MYO1H: variants seen among roughly 807,000 people sequenced by gnomAD.
MYO1H encodes the protein unconventional myosin-Ih.
In MYO1H, 118 loss-of-function variants were observed where a neutral mutation model predicts 149.3. The ratio of observed to expected loss-of-function variants is 0.79; its 90% confidence interval spans 0.68 to 0.92. MYO1H has a LOEUF of 0.92. Among genes scored for constraint, MYO1H ranks in the 40% least tolerant of loss-of-function variants. The pLI is 0.00. For synonymous variants in MYO1H, 447 were observed against 465.2 expected, an observed-to-expected ratio of 0.96 and a Z score of 0.50; for missense variants, 1,212 against 1,280.7, an observed-to-expected ratio of 0.95 and a Z score of 0.82.
At chr12:109,341,873 G>T in the MYO1H span, among the ~76,000 whole-genome samples, 2 of 152,104 alleles carry the variant, frequency 1.3e-5, no homozygotes, top group African/African-American at 4.8e-5. Flanking sequence ...TGGCTTCCTG[G>T]ACTGGTTACT....
the MYO1H span, among the ~76,000 whole-genome samples, chr12:109,324,045 G>A: frequency 2.8e-3 from 431 of 151,720 alleles, 2 homozygotes; most frequent in African/African-American, 0.01. Context: ...AACAGAGCTG[G>A]CTTGTCTTTG....
chr12:109,311,158 C>T, the MYO1H span, among the ~76,000 whole-genome samples: 2 of 152,284 alleles, frequency 1.3e-5, 1 homozygote, highest in South Asian at 4.1e-4. Flanking sequence ...ATTGTCTCTT[C>T]TGAAAGCTGA....
exon 26 of MYO1H, chr12:109,441,623 A>G: frequency 6.2e-7 from 1 of 1,610,018 alleles, no homozygotes; most frequent in Non-Finnish European, 8.5e-7. Flanking sequence ...AGATGCAGCA[A>G]AAGGTAGTTA....
chr12:109,446,752 A>C (rs1872499060), intron 31 of MYO1H, among the ~76,000 whole-genome samples: 2 of 152,376 alleles, frequency 1.3e-5, no homozygotes, highest in African/African-American at 4.8e-5. Flanking sequence ...CGATAGAGTG[A>C]GACTCCATCT....
intron 1 of MYO1H, among the ~76,000 whole-genome samples, chr12:109,373,989 A>C (rs775135028): frequency 5.3e-5 from 8 of 152,142 alleles, no homozygotes; most frequent in Non-Finnish European, 1.0e-4. Flanking sequence ...TCTGTCTCAA[A>C]GAAAGCAATA....
chr12:109,403,513 G>C (rs1870252025), intron 6 of MYO1H, among the ~76,000 whole-genome samples: 1 of 152,184 alleles, frequency 6.6e-6, no homozygotes, highest in African/African-American at 2.4e-5. Flanking sequence ...CAAAACCTCT[G>C]TTTCTCTAAA....
intron 15 of MYO1H, among the ~76,000 whole-genome samples, chr12:109,416,932 G>A (rs1870936205): frequency 6.6e-6 from 1 of 152,006 alleles, no homozygotes; most frequent in Non-Finnish European, 1.5e-5. Context: ...GCTTGAACCT[G>A]GGAGGCAGAG....
intron 1 of MYO1H, among the ~76,000 whole-genome samples, chr12:109,350,449 C>A (rs1868440605): frequency 6.6e-6 from 1 of 152,030 alleles, no homozygotes; most frequent in African/African-American, 2.4e-5. Context: ...AAGGGGAAAC[C>A]CCCTTCGCTT....
chr12:109,443,104 G>A (rs559066491), intron 27 of MYO1H, among the ~76,000 whole-genome samples: 607 of 34,726 alleles, frequency 0.017, 171 homozygotes, highest in African/African-American at 0.076. Flanking sequence ...ATATGTGTAC[G>A]TATATGTGTG....
chr12:109,353,232 C>T (rs1212878295), intron 1 of MYO1H, among the ~76,000 whole-genome samples: 1 of 151,568 alleles, frequency 6.6e-6, no homozygotes, highest in Non-Finnish European at 1.5e-5. Flanking sequence ...TCCATCACTA[C>T]TAAAGACAAA....
At chr12:109,349,090 A>G (rs911892473) in intron 1 of MYO1H, among the ~76,000 whole-genome samples, 1 of 152,368 alleles carries the variant, frequency 6.6e-6, no homozygotes, top group Admixed American at 6.5e-5. Context: ...TCTAGGAAGC[A>G]TGATTCATTG....
chr12:109,342,592 G>T, the MYO1H span, among the ~76,000 whole-genome samples: 3 of 147,788 alleles, frequency 2.0e-5, no homozygotes, highest in Non-Finnish European at 4.4e-5. Context: ...ACACAGGCTG[G>T]AGTGCAGTGG....
chr12:109,396,470 G>A (rs375164407), exon 4 of MYO1H: 24 of 1,613,850 alleles, frequency 1.5e-5, no homozygotes, highest in Non-Finnish European at 2.0e-5. Flanking sequence ...AGTGGGGCAG[G>A]GAAAACAGAG....
chr12:109,362,985 G>C (rs944920696), intron 1 of MYO1H, among the ~76,000 whole-genome samples: 3 of 152,112 alleles, frequency 2.0e-5, no homozygotes, highest in Admixed American at 6.5e-5. Flanking sequence ...AGAGTCCCTC[G>C]TTCATAGCAC....
chr12:109,333,511 C>T, the MYO1H span, among the ~76,000 whole-genome samples: 5 of 152,096 alleles, frequency 3.3e-5, no homozygotes, highest in Non-Finnish European at 7.4e-5. Flanking sequence ...TTTGCCTTTT[C>T]AGTCTAGTCC....
At chr12:109,388,000 T>C (rs559730171) in intron 1 of MYO1H, among the ~76,000 whole-genome samples, 1 of 152,326 alleles carries the variant, frequency 6.6e-6, no homozygotes, top group South Asian at 2.1e-4. Flanking sequence ...CAATGGGCTG[T>C]AGCCACACCT....
At chr12:109,380,714 G>A (rs1300551061) in intron 1 of MYO1H, among the ~76,000 whole-genome samples, 2 of 152,208 alleles carry the variant, frequency 1.3e-5, no homozygotes, top group African/African-American at 4.8e-5. Context: ...GGAAGGCCAA[G>A]GTGGGCAGAT....
At chr12:109,318,972 G>GTTTTTTTTTTTTTTTTTTTTTTT in the MYO1H span, among the ~76,000 whole-genome samples, 4 of 77,262 alleles carry the variant, frequency 5.2e-5, no homozygotes, top group Admixed American at 1.4e-4. Flanking sequence ...TTTTGGTTTT[G>GTTTTTTTTTTTTTTTTTTTTTTT]TTTTTTTTTT....
exon 30 of MYO1H, chr12:109,444,524 A>G: frequency 1.2e-6 from 2 of 1,613,114 alleles, no homozygotes; most frequent in Non-Finnish European, 1.7e-6. Flanking sequence ...ATGTTGTTCA[A>G]GGAAGGTAGG....
Sources: gnomAD v4.1 joint callset for allele counts (sites outside exome capture counted in the v4.1 genomes callset) on GRCh38, gnomAD v4.1.1 for gene constraint, MANE v1.5 for transcripts, NCBI Gene and HGNC (gene_info 2026-07-23, HGNC 2026-07-21) for gene names.